Variants in CTNND2 observed in about 807,000 individuals in gnomAD.
CTNND2 encodes catenin delta-2.
Under a neutral mutation model 144.4 loss-of-function variants are expected in CTNND2, and 22 were observed. That is an observed-to-expected ratio of 0.15 (90% CI 0.11 to 0.22). CTNND2 has a LOEUF of 0.22. CTNND2 is among the 10% of genes least tolerant of loss of function. The pLI is 1.00. For synonymous variants in CTNND2, 751 were observed against 695.6 expected, an observed-to-expected ratio of 1.08 and a Z score of -1.25; for missense variants, 1,353 against 1,618.8, an observed-to-expected ratio of 0.84 and a Z score of 2.82.
intron 9 of CTNND2, among the ~76,000 whole-genome samples, chr5:11,331,558 T>G (rs928794402): frequency 6.6e-6 from 1 of 152,220 alleles, no homozygotes; most frequent in African/African-American, 2.4e-5. Context: ...TGATTATTTT[T>G]TATTTATTTC....
At chr5:11,482,523 T>G (rs150263603) in intron 3 of CTNND2, among the ~76,000 whole-genome samples, 18 of 152,186 alleles carry the variant, frequency 1.2e-4, no homozygotes, top group Non-Finnish European at 2.2e-4. Flanking sequence ...ATCGCCATTC[T>G]CAAGGCGCTA....
intron 15 of CTNND2, chr5:11,083,918 A>G: frequency 8.7e-7 from 1 of 1,152,548 alleles, no homozygotes; most frequent in Non-Finnish European, 1.1e-6. Context: ...CAGTGAACGT[A>G]GGGCATATGC....
chr5:10,981,408 A>G lies in CTNND2; in HGVS notation c.3417+365T>C, dbSNP rs574073555. ...TCCTTCCTAATGCATTTGCAGGGTT[A>G]CAGGAGCTACTCCATCTCTGTCCAG... On this transcript the variant is annotated intron_variant, in intron 21 of 21. Coordinates refer to ENST00000304623, the MANE Select transcript of CTNND2 (RefSeq NM_001332.4). Among the ~76,000 whole-genome samples, 31 of 152,362 alleles carry G rather than the reference A, an allele frequency of 2.0e-4. No individual in the cohort carries two copies. The South Asian group carries it at 6.2e-3, about 31-fold the overall frequency.
At chr5:11,414,311 G>A (rs1349626903) in intron 3 of CTNND2, among the ~76,000 whole-genome samples, 1 of 152,138 alleles carries the variant, frequency 6.6e-6, no homozygotes, top group East Asian at 1.9e-4. Flanking sequence ...AAGTCACCCA[G>A]TTGTGGTAAT....
chr5:11,009,751 G>C (rs2149522694), intron 18 of CTNND2, among the ~76,000 whole-genome samples: 1 of 152,330 alleles, frequency 6.6e-6, no homozygotes, highest in South Asian at 2.1e-4. Context: ...CCTGACTTGG[G>C]GATCTATCCC....
chr5:11,508,953 C>A (rs1771359427), intron 3 of CTNND2, among the ~76,000 whole-genome samples: 1 of 151,700 alleles, frequency 6.6e-6, no homozygotes, highest in African/African-American at 2.4e-5. Flanking sequence ...GTTTTCAAGT[C>A]ATCAAATTAC....
At chr5:11,334,194 C>G (rs1753501198) in intron 9 of CTNND2, among the ~76,000 whole-genome samples, 2 of 152,116 alleles carry the variant, frequency 1.3e-5, no homozygotes, top group African/African-American at 4.8e-5. Flanking sequence ...CACTGGGACA[C>G]AAATTTTGAA....
intron 12 of CTNND2, among the ~76,000 whole-genome samples, chr5:11,135,888 T>C (rs951061291): frequency 2.6e-5 from 4 of 152,246 alleles, no homozygotes; most frequent in African/African-American, 9.6e-5. Context: ...ATCTGGTTCA[T>C]ATCATGGTGG....
intron 13 of CTNND2, among the ~76,000 whole-genome samples, chr5:11,114,004 C>A (rs1406731388): frequency 6.6e-6 from 1 of 152,208 alleles, no homozygotes; most frequent in African/African-American, 2.4e-5. Flanking sequence ...GCTAATCCCA[C>A]AGGCTCTGAG....
In CTNND2 at chr5:11,232,424, T is replaced by C. The variant is rs61513118; in HGVS notation, c.1761+4267A>G. Among the ~76,000 whole-genome samples, 515 of 152,316 alleles carry C rather than the reference T, an allele frequency of 3.4e-3. 17 individuals carry two copies. In the East Asian group the frequency reaches 0.084, roughly 25 times the overall value. On this transcript the variant is annotated intron_variant, in intron 10 of 21. Transcript: ENST00000304623. ...AGCTGCTCAAGGCCATGGGAGCCCATCTCTTGCATCAGCGTGACCTGCGAG... is the reference window on the plus strand; with the variant it reads ...AGCTGCTCAAGGCCATGGGAGCCCACCTCTTGCATCAGCGTGACCTGCGAG...
intron 1 of CTNND2, among the ~76,000 whole-genome samples, chr5:11,846,172 C>A (rs912834826): frequency 2.0e-5 from 3 of 152,042 alleles, no homozygotes; most frequent in Admixed American, 6.5e-5. Flanking sequence ...TCTATTTGGA[C>A]AATTTTGTCA....
In CTNND2 at chr5:11,474,350, A is replaced by C. The variant is rs115455546; in HGVS notation, c.288-62281T>G. Among the ~76,000 whole-genome samples, 1,049 of 152,356 alleles carry C rather than the reference A, an allele frequency of 6.9e-3. 9 individuals are homozygous for C. The highest frequency in any genetic ancestry group is 0.024 in the African/African-American group (989 of 41,572). ...AGGCTTAGCAAAGATCTTCTAATCT[A>C]GTTAGGGGCAACAGAAAAGCACTTA... On this transcript the variant is annotated intron_variant, in intron 3 of 21. Transcript: ENST00000304623.
At chr5:11,767,271 T>C (rs1404026629) in intron 1 of CTNND2, among the ~76,000 whole-genome samples, 1 of 152,226 alleles carries the variant, frequency 6.6e-6, no homozygotes, top group Non-Finnish European at 1.5e-5. Context: ...AGTGCTTCAA[T>C]AGTGTTTTGA....
chr5:11,311,764 C>T (rs1360003000), intron 9 of CTNND2, among the ~76,000 whole-genome samples: 1 of 137,114 alleles, frequency 7.3e-6, no homozygotes, highest in African/African-American at 2.8e-5. Flanking sequence ...CACTCACTCT[C>T]CATGCACCCT....
chr5:11,167,705 T>G (rs1759476940), intron 11 of CTNND2, among the ~76,000 whole-genome samples: 1 of 151,740 alleles, frequency 6.6e-6, no homozygotes, highest in African/African-American at 2.4e-5. Flanking sequence ...ACTTTTTTTT[T>G]TTTTTTTTCA....
intron 2 of CTNND2, among the ~76,000 whole-genome samples, chr5:11,641,502 C>T (rs555393808): frequency 2.0e-5 from 3 of 150,412 alleles, no homozygotes; most frequent in South Asian, 4.2e-4. Context: ...CACATATACA[C>T]GTATATGTAC....
chr5:11,493,211 T>A (rs138567115), intron 3 of CTNND2, among the ~76,000 whole-genome samples: 53 of 152,264 alleles, frequency 3.5e-4, no homozygotes, highest in Admixed American at 8.5e-4. Context: ...CATCCTGGCC[T>A]GCTGTGTGGA....
At chr5:11,421,272 T>A (rs372166904) in intron 3 of CTNND2, among the ~76,000 whole-genome samples, 68 of 152,256 alleles carry the variant, frequency 4.5e-4, no homozygotes, top group African/African-American at 1.5e-3. Flanking sequence ...AGAAAAGATA[T>A]GAATATTCTT....
At chr5:11,876,415 G>A (rs1735575612) in intron 1 of CTNND2, among the ~76,000 whole-genome samples, 1 of 152,040 alleles carries the variant, frequency 6.6e-6, no homozygotes. Flanking sequence ...AGGTGACTTG[G>A]GTCAAAACAC....
Sources: allele counts gnomAD v4.1 joint callset (sites outside exome capture counted in the v4.1 genomes callset), GRCh38; gene constraint gnomAD v4.1.1; transcripts MANE v1.5; gene names NCBI Gene and HGNC (gene_info 2026-07-23, HGNC 2026-07-21).